Variants in RPS6KC1 observed in about 807,000 individuals in gnomAD.
The protein encoded by RPS6KC1 is ribosomal protein S6 kinase C1.
A neutral mutation model predicts 103.8 loss-of-function variants in RPS6KC1; 54 were observed. The ratio of observed to expected loss-of-function variants is 0.52; its 90% CI spans 0.42 to 0.65. The LOEUF is 0.65. Among genes scored for constraint, RPS6KC1 ranks in the 30% least tolerant of loss-of-function variants. RPS6KC1 has a pLI of 0.00. For missense variants in RPS6KC1, 1,151 were observed against 1,253.8 expected (o/e 0.92, Z 1.24); for synonymous variants, 439 against 438.7 (o/e 1.00, Z -0.01).
the RPS6KC1 span, among the ~76,000 whole-genome samples, chr1:213,795,067 T>C: frequency 2.0e-5 from 3 of 152,362 alleles, no homozygotes; most frequent in Non-Finnish European, 4.4e-5. Context: ...GCTGATGTGT[T>C]AAATTGATTA....
intron 8 of RPS6KC1, among the ~76,000 whole-genome samples, chr1:213,225,514 G>A (rs979200025): frequency 1.3e-5 from 2 of 151,868 alleles, no homozygotes; most frequent in East Asian, 1.9e-4. Context: ...TCACCCTCCC[G>A]AGTAGCTGGG....
chr1:213,663,885 A>G, the RPS6KC1 span, among the ~76,000 whole-genome samples: 1 of 152,268 alleles, frequency 6.6e-6, no homozygotes, highest in African/African-American at 2.4e-5. Context: ...GCTGCAGTCC[A>G]AGGCAGACAG....
the RPS6KC1 span, among the ~76,000 whole-genome samples, chr1:213,330,780 A>G: frequency 6.6e-6 from 1 of 152,206 alleles, no homozygotes; most frequent in Non-Finnish European, 1.5e-5. Flanking sequence ...TCTTTTCTTG[A>G]GAAGGTGAAC....
At chr1:213,444,744 CAAAAAA>C in the RPS6KC1 span, among the ~76,000 whole-genome samples, 3 of 87,520 alleles carry the variant, frequency 3.4e-5, no homozygotes, top group African/African-American at 4.8e-5. Flanking sequence ...AACTCCAACT[CAAAAAA>C]AAAAAAAAAA....
the RPS6KC1 span, among the ~76,000 whole-genome samples, chr1:213,483,769 A>G: frequency 6.6e-6 from 1 of 152,218 alleles, no homozygotes; most frequent in African/African-American, 2.4e-5. Flanking sequence ...TCCTGATGAG[A>G]AGGCAGCAGT....
chr1:213,407,369 C>T, the RPS6KC1 span, among the ~76,000 whole-genome samples: 3 of 152,128 alleles, frequency 2.0e-5, no homozygotes, highest in Admixed American at 2.0e-4. Flanking sequence ...CTAGATTTTG[C>T]TCATTCCCTT....
chr1:213,165,708 C>A (rs150419988), intron 6 of RPS6KC1, among the ~76,000 whole-genome samples: 187 of 152,284 alleles, frequency 1.2e-3, no homozygotes, highest in South Asian at 2.9e-3. Context: ...CAGGCGTGAG[C>A]CACCGCGCCC....
At chr1:213,126,160 A>T (rs1289099201) in intron 5 of RPS6KC1, among the ~76,000 whole-genome samples, 1 of 152,142 alleles carries the variant, frequency 6.6e-6, no homozygotes, top group Non-Finnish European at 1.5e-5. Flanking sequence ...TCATTTAAGG[A>T]AATAAGTTTA....
chr1:213,788,581 G>A, the RPS6KC1 span, among the ~76,000 whole-genome samples: 73 of 152,148 alleles, frequency 4.8e-4, 2 homozygotes, highest in Admixed American at 3.9e-3. Flanking sequence ...GTTCCATGCA[G>A]CAGCTGTGAT....
chr1:213,138,348 C>CT (rs1217653205), intron 6 of RPS6KC1, among the ~76,000 whole-genome samples: 1 of 151,488 alleles, frequency 6.6e-6, no homozygotes, highest in Non-Finnish European at 1.5e-5. Flanking sequence ...GGGCCATTTT[C>CT]TTTTTTTTCT....
At chr1:213,803,691 T>C in the RPS6KC1 span, among the ~76,000 whole-genome samples, 1 of 152,118 alleles carries the variant, frequency 6.6e-6, no homozygotes, top group Non-Finnish European at 1.5e-5. Context: ...GCATGGGTCA[T>C]TGCTGACCAG....
At chr1:213,826,881 G>T in the RPS6KC1 span, among the ~76,000 whole-genome samples, 7 of 152,154 alleles carry the variant, frequency 4.6e-5, no homozygotes, top group South Asian at 1.5e-3. Context: ...AAGATTTCAC[G>T]ACAGGATTTT....
At chr1:213,654,809 A>T in the RPS6KC1 span, among the ~76,000 whole-genome samples, 1 of 152,200 alleles carries the variant, frequency 6.6e-6, no homozygotes, top group Non-Finnish European at 1.5e-5. Context: ...AAGTTTCCAA[A>T]CATAAATATT....
the RPS6KC1 span, among the ~76,000 whole-genome samples, chr1:213,488,175 G>A: frequency 1.3e-5 from 2 of 152,192 alleles, no homozygotes; most frequent in African/African-American, 2.4e-5. Flanking sequence ...TAAGTCAGGG[G>A]TGCCATGCAG....
the RPS6KC1 span, among the ~76,000 whole-genome samples, chr1:213,379,998 C>A: frequency 7.9e-5 from 12 of 152,154 alleles, no homozygotes; most frequent in Non-Finnish European, 1.8e-4. Context: ...GAATATAAAT[C>A]ATTCTGTTAT....
intron 7 of RPS6KC1, among the ~76,000 whole-genome samples, chr1:213,173,749 C>T (rs984574390): frequency 6.6e-6 from 1 of 152,160 alleles, no homozygotes. Context: ...TTTGTCTTAT[C>T]TTCTCAAATG....
Position 213,241,567 on chromosome 1 carries a change from T to G in RPS6KC1, c.2091T>G (p.Gly697=). ...GRPDLLVNLP[G]ELESTREAAA... is the part of the protein sequence containing the mutation. ...CTGATCTTCTTGTAAATTTACCTGG[T>G]GAATTGGAGTCAACAAGAGAAGCTG... The change falls in exon 11 of 15, where the codon GGT becomes GGG. Residue 697 remains glycine, a synonymous_variant. Coordinates refer to ENST00000366960, the MANE Select transcript of RPS6KC1 (RefSeq NM_012424.6). 6.2e-7 allele frequency: 1 copy of G among 1,613,938 alleles called. No individual in the cohort carries two copies. The highest frequency in any genetic ancestry group is 1.1e-5 in the South Asian group (1 of 91,080).
At chr1:213,705,351 C>T in the RPS6KC1 span, among the ~76,000 whole-genome samples, 2 of 152,258 alleles carry the variant, frequency 1.3e-5, no homozygotes, top group Admixed American at 1.3e-4. Context: ...GTACTTTCCA[C>T]TCTTCCATCC....
chr1:213,119,952 A>G lies in RPS6KC1; in HGVS notation c.472+2542A>G, dbSNP rs112777004. On this transcript the variant is annotated intron_variant, in intron 5 of 14. Transcript: ENST00000366960. ...TGCTATTAATAATTATACCAAGACCACAAACATGACACAGGACAGCCTCAG... is the reference window on the plus strand; with the variant it reads ...TGCTATTAATAATTATACCAAGACCGCAAACATGACACAGGACAGCCTCAG... Among the ~76,000 whole-genome samples, 577 of 152,330 alleles carry G rather than the reference A, an allele frequency of 3.8e-3. 3 individuals are homozygous for G. Among genetic ancestry groups the G allele is most frequent in the Non-Finnish European group, 3.6e-3 (244 of 68,024 alleles).
Sources: gnomAD v4.1 joint callset for allele counts (sites outside exome capture counted in the v4.1 genomes callset) on GRCh38, gnomAD v4.1.1 for gene constraint, MANE v1.5 for transcripts, NCBI Gene and HGNC (gene_info 2026-07-23, HGNC 2026-07-21) for gene names.